Variants in CD44 observed in about 807,000 individuals in gnomAD.
CD44 encodes CD44 molecule (IN blood group), also known as CD44 antigen.
In CD44, 49 loss-of-function variants were observed where a neutral mutation model predicts 88.8. That is an observed-to-expected ratio of 0.55 (90% confidence interval 0.44 to 0.70). The LOEUF (loss-of-function observed/expected upper bound fraction) is 0.70. CD44 is among the 30% of genes least tolerant of loss of function. The pLI is 0.00. For missense variants in CD44, 883 were observed against 913.8 expected (o/e 0.97, Z 0.43); for synonymous variants, 325 against 312.3 (o/e 1.04, Z -0.43).
Position 35,211,383 on chromosome 11 carries a change from G to A in CD44, c.1744G>A (p.Gly582Arg). The A allele has an allele frequency of 6.2e-7, 1 of 1,613,944 alleles. No homozygotes were observed. The highest frequency in any genetic ancestry group is 8.5e-7 in the Non-Finnish European group (1 of 1,179,882). The change falls in exon 14 of 18, where the codon GGG (glycine) becomes AGG (arginine). Residue 582 changes from glycine to arginine, a missense_variant. Gly to Arg is a moderately radical substitution (Grantham distance 125). Coordinates refer to ENST00000428726, the MANE Select transcript of CD44 (RefSeq NM_000610.4). Reference protein sequence around the residue: ...TFIPVTSAKTGSFGVTAVTVG... With the variant: ...TFIPVTSAKTRSFGVTAVTVG... The stretch of plus-strand genomic sequence containing the variant: ...CATCCCAGTGACCTCAGCTAAGACT[G>A]GGTCCTTTGGAGTTACTGCAGTTAC...
At chr11:35,205,747 A>G in intron 10 of CD44, 1 of 980,392 alleles carries the variant, frequency 1.0e-6, no homozygotes, top group Non-Finnish European at 1.2e-6. Flanking sequence ...GTCTCAGAAT[A>G]ACATCATGCA....
intron 1 of CD44, among the ~76,000 whole-genome samples, chr11:35,146,983 A>G (rs537076922): frequency 3.9e-5 from 6 of 152,318 alleles, no homozygotes; most frequent in African/African-American, 1.4e-4. Context: ...CTCTGAATAG[A>G]AGCTCTACTC....
At chr11:35,173,333 A>G (rs917770055) in intron 1 of CD44, among the ~76,000 whole-genome samples, 1 of 152,216 alleles carries the variant, frequency 6.6e-6, no homozygotes, top group Non-Finnish European at 1.5e-5. Flanking sequence ...TGTCATGTAG[A>G]TTGACAGTTT....
chr11:35,193,790 T>C (rs952771365), intron 5 of CD44, among the ~76,000 whole-genome samples: 1 of 152,200 alleles, frequency 6.6e-6, no homozygotes, highest in African/African-American at 2.4e-5. Flanking sequence ...GCAACTCTAG[T>C]TTTTGGTAGA....
At chr11:35,144,874 A>G (rs1858809829) in intron 1 of CD44, among the ~76,000 whole-genome samples, 1 of 152,244 alleles carries the variant, frequency 6.6e-6, no homozygotes, top group African/African-American at 2.4e-5. Context: ...CAACTCCTTA[A>G]CTAGGATGGT....
In CD44 at chr11:35,204,530, G is replaced by T. The variant is rs995841422; in HGVS notation, c.1172G>T (p.Ser391Ile). 2.5e-6 allele frequency: 4 copies of T among 1,613,196 alleles called. No individual in the cohort carries two copies. Among genetic ancestry groups the T allele is most frequent in the African/African-American group, 2.7e-5 (2 of 74,876 alleles). ...STSTIQATPS[S>I]TTEETATQKE... The stretch of plus-strand genomic sequence containing the variant: ...CTCACAGTCCAGGCAACTCCTAGTA[G>T]TACAACGGAAGAAACAGCTACCCAG... The change falls in exon 10 of 18, where the codon AGT becomes ATT. Residue 391 changes from serine to isoleucine, a missense_variant. Ser to Ile is a moderately radical substitution (Grantham distance 142). Transcript: ENST00000428726.
intron 3 of CD44, among the ~76,000 whole-genome samples, chr11:35,182,040 T>G (rs1454609546): frequency 1.5e-5 from 2 of 131,380 alleles, no homozygotes; most frequent in African/African-American, 5.8e-5. Context: ...TATACACATT[T>G]ATATATATAA....
intron 17 of CD44, among the ~76,000 whole-genome samples, chr11:35,225,148 T>C (rs192820867): frequency 1.1e-4 from 16 of 152,296 alleles, no homozygotes; most frequent in Admixed American, 1.0e-3. Flanking sequence ...GAATTTTTAA[T>C]TTCATTTCAT....
intron 1 of CD44, among the ~76,000 whole-genome samples, chr11:35,167,706 A>G (rs1477866483): frequency 6.6e-6 from 1 of 152,228 alleles, no homozygotes; most frequent in Admixed American, 6.5e-5. Flanking sequence ...GCTATGTTCC[A>G]GCTACATCAA....
At chr11:35,229,040 A>G (rs1949916987) in intron 17 of CD44, 89 bp from the exon 18 acceptor site, 1 of 1,078,420 alleles carries the variant, frequency 9.3e-7, no homozygotes, top group Non-Finnish European at 1.4e-6. Flanking sequence ...AACCATAGTG[A>G]TCATCAATGA....
At chr11:35,166,501 G>A (rs1022112062) in intron 1 of CD44, among the ~76,000 whole-genome samples, 1 of 152,118 alleles carries the variant, frequency 6.6e-6, no homozygotes, top group Admixed American at 6.5e-5. Flanking sequence ...AGCTTTCTAG[G>A]CTGTGCATTG....
intron 1 of CD44, among the ~76,000 whole-genome samples, chr11:35,174,105 G>T (rs972408222): frequency 6.6e-6 from 1 of 152,166 alleles, no homozygotes; most frequent in African/African-American, 2.4e-5. Context: ...GCAGTAATAG[G>T]TCCCCTCTCC....
At position 35,196,848 on chromosome 11, in the gene CD44, A is replaced by T. The variant is rs1376830231; in HGVS notation, c.770A>T (p.His257Leu). 1 of 1,613,768 alleles carries T rather than the reference A, an allele frequency of 6.2e-7. No homozygotes were observed. The highest frequency in any genetic ancestry group is 1.1e-5 in the South Asian group (1 of 91,058). Residue 257 changes from histidine to leucine, a missense_variant, in exon 6 of 18, where the codon CAT becomes CTT. By Grantham distance (99) the His-to-Leu change is moderately conservative. Transcript: ENST00000428726. ...WLFLPSESKN[H>L]LHTTTQMAGT... Reference sequence around the variant, plus strand: ...TTTCTACCATCAGAGTCAAAGAATCATCTTCACACAACAACACAAATGGCT... The same window carrying T: ...TTTCTACCATCAGAGTCAAAGAATCTTCTTCACACAACAACACAAATGGCT...
chr11:35,194,063 C>A (rs1193246919), intron 5 of CD44, among the ~76,000 whole-genome samples: 1 of 152,186 alleles, frequency 6.6e-6, no homozygotes, highest in Non-Finnish European at 1.5e-5. Flanking sequence ...TGAAAGCAGT[C>A]GTTTGAAATG....
At chr11:35,156,330 C>CT (rs2133249532) in intron 1 of CD44, among the ~76,000 whole-genome samples, 1 of 152,214 alleles carries the variant, frequency 6.6e-6, no homozygotes, top group Admixed American at 6.5e-5. Flanking sequence ...TTTCCCATTC[C>CT]TTTTTTATCA....
Position 35,142,318 on chromosome 11 carries a change from C to G in CD44, c.67+2948C>G, listed in dbSNP as rs570793622. On this transcript the variant is annotated intron_variant, in intron 1 of 17. Coordinates refer to ENST00000428726, the MANE Select transcript of CD44 (RefSeq NM_000610.4). ...CATTACTGGGTATATACCCAAAGGA[C>G]TACAAATCATGCTGCTATAAAGACA... Among the ~76,000 whole-genome samples the G allele has an allele frequency of 4.6e-5, 7 of 152,220 alleles. No homozygotes were observed. The South Asian group carries it at 1.2e-3, about 27-fold the overall frequency.
At chr11:35,187,678 A>T (rs1945820029) in intron 4 of CD44, among the ~76,000 whole-genome samples, 1 of 152,190 alleles carries the variant, frequency 6.6e-6, no homozygotes, top group South Asian at 2.1e-4. Context: ...GTTCTCTCTT[A>T]TAAAGAGGGA....
At chr11:35,153,791 T>C (rs1941496723) in intron 1 of CD44, among the ~76,000 whole-genome samples, 2 of 152,188 alleles carry the variant, frequency 1.3e-5, no homozygotes, top group Admixed American at 1.3e-4. Context: ...AGGGAAAGCC[T>C]CCCAGGACCT....
chr11:35,144,546 AT>A (rs1302997538), intron 1 of CD44, among the ~76,000 whole-genome samples: 66 of 151,984 alleles, frequency 4.3e-4, no homozygotes, highest in Non-Finnish European at 1.0e-4. Context: ...AGCAGGTTGA[AT>A]TTTTTTTAAG....
Sources: gnomAD v4.1 joint callset for allele counts (sites outside exome capture counted in the v4.1 genomes callset) on GRCh38, gnomAD v4.1.1 for gene constraint, MANE v1.5 for transcripts, NCBI Gene and HGNC (gene_info 2026-07-23, HGNC 2026-07-21) for gene names.